The following LY9 variants were observed in gnomAD, a reference collection of about 807,000 sequenced individuals.
The protein encoded by LY9 is T-lymphocyte surface antigen Ly-9.
Under a neutral mutation model 64.6 loss-of-function variants are expected in LY9, and 59 were observed. The ratio of observed to expected loss-of-function variants is 0.91; its 90% CI spans 0.74 to 1.13. The LOEUF (loss-of-function observed/expected upper bound fraction) is 1.13. LY9 is among the 50% of genes most tolerant of loss of function. The pLI is 0.00. For missense variants in LY9, 789 were observed against 797.2 expected (o/e 0.99, Z 0.12); for synonymous variants, 281 against 308.5 (o/e 0.91, Z 0.93).
At chr1:160,819,171 G>A in intron 6 of LY9, 150 bp from the exon 7 acceptor site, 2 of 661,606 alleles carry the variant, frequency 3.0e-6, no homozygotes, top group Non-Finnish European at 2.8e-6. Flanking sequence ...CATAGGCCTG[G>A]CTTCTCATCA....
At chr1:160,796,606 T>C (rs1421070856) in intron 1 of LY9, among the ~76,000 whole-genome samples, 1 of 152,124 alleles carries the variant, frequency 6.6e-6, no homozygotes, top group Non-Finnish European at 1.5e-5. Flanking sequence ...TTGGCCACGG[T>C]GGTCTCGATC....
chr1:160,825,498 C>T (rs1167671707), intron 9 of LY9, among the ~76,000 whole-genome samples: 2 of 152,294 alleles, frequency 1.3e-5, no homozygotes, highest in African/African-American at 4.8e-5. Flanking sequence ...AAATAATTCA[C>T]CTTGATCTGG....
Position 160,813,788 on chromosome 1 carries a change from G to T in LY9, c.607G>T (p.Gly203Ter). Residue 203 changes from glycine (G) to a stop codon, truncating the protein, a stop_gained, in exon 3 of 10, where the codon GGA (glycine) becomes TGA (stop). Transcript: ENST00000263285. LOFTEE classifies it high-confidence loss of function. ...GGAACCCCATGCTTCTGAGTCCAAT[G>T]GAGGCTCCATTCTTACCGTCTCCCG... is the stretch of plus-strand genomic sequence containing the variant. Reference protein sequence around the residue: ...PREPHASESNGGSILTVSRTP... With the variant: ...PREPHASESN 1 of 1,614,158 alleles carries T rather than the reference G, an allele frequency of 6.2e-7. No individual in the cohort carries two copies. Among genetic ancestry groups the T allele is most frequent in the Non-Finnish European group, 8.5e-7 (1 of 1,180,030 alleles).
rs908944939 is a variant in LY9, at chr1:160,827,635, C to T, written c.1900-113C>T. 1.7e-5 allele frequency: 13 copies of T among 769,458 alleles called. No homozygotes were observed. In the African/African-American group the frequency reaches 1.9e-4, roughly 11 times the overall value. The allele number at this position is 769,458 out of a possible 1,614,324, so 47.7% of individuals were successfully genotyped here. On this transcript the variant is annotated intron_variant, in intron 9 of 9. Transcript: ENST00000263285. The stretch of plus-strand genomic sequence containing the variant: ...GCCATCCCTGGGCCAGCACATATGA[C>T]TCTACTTCTGTAGGATGGACCAGTC...
intron 1 of LY9, among the ~76,000 whole-genome samples, chr1:160,798,338 C>A (rs1666099174): frequency 6.6e-6 from 1 of 152,128 alleles, no homozygotes; most frequent in Admixed American, 6.5e-5. Flanking sequence ...ACTGATCAAC[C>A]CTGTAATCTC....
rs115261308 is a variant in LY9, at chr1:160,823,843, C to T, written c.1830+47C>T. 1.8e-3 allele frequency: 2,597 copies of T among 1,449,416 alleles called. 27 individuals carry two copies. The African/African-American group carries it at 0.024, about 13-fold the overall frequency. 89.8% of individuals were successfully genotyped at this position (1,449,416 alleles called of 1,614,324 possible). On this transcript the variant is annotated intron_variant, in intron 8 of 9. Coordinates refer to ENST00000263285, the MANE Select transcript of LY9 (RefSeq NM_002348.4). ...ACCTTCCTCCTCCTCCCATGTCTAG[C>T]GGCATCTGAGATCCTGGATGACTAG...
intron 3 of LY9, 93 bp downstream of exon 3, chr1:160,814,004 G>A (rs12738298): frequency 0.01 from 14,225 of 1,367,778 alleles, 118 homozygotes; most frequent in Non-Finnish European, 0.013. Context: ...AGACACACAG[G>A]GGGTGGGGAA....
At chr1:160,814,294 G>T in intron 3 of LY9, 126 bp from the exon 4 acceptor site, 2 of 731,012 alleles carry the variant, frequency 2.7e-6, no homozygotes, top group Non-Finnish European at 4.7e-6. Flanking sequence ...GCCCCTCAGA[G>T]GAGGAGGCCA....
At chr1:160,826,798 G>A (rs1404095414) in intron 9 of LY9, among the ~76,000 whole-genome samples, 1 of 152,196 alleles carries the variant, frequency 6.6e-6, no homozygotes, top group African/African-American at 2.4e-5. Context: ...TAGCCAGCTA[G>A]AGACTTTGCC....
intron 1 of LY9, 188 bp from the exon 2 acceptor site, chr1:160,799,565 G>A: frequency 1.8e-6 from 1 of 557,126 alleles, no homozygotes; most frequent in Non-Finnish European, 3.2e-6. Flanking sequence ...TTTTAAGGGA[G>A]ACAGTGTTTG....
chr1:160,816,507 T>G lies in LY9; in HGVS notation c.1073-87T>G, dbSNP rs1372263994. On this transcript the variant is annotated intron_variant, in intron 4 of 9. Transcript: ENST00000263285. Reference sequence around the variant, plus strand: ...TTGCCGGCAGTATCAACACTCAGCTTCATGAATATATTTTCAATGAATGAA... The same window carrying G: ...TTGCCGGCAGTATCAACACTCAGCTGCATGAATATATTTTCAATGAATGAA... The G allele has an allele frequency of 2.8e-6, 4 of 1,430,660 alleles. No individual in the cohort carries two copies. In the African/African-American group the frequency reaches 4.3e-5, roughly 15 times the overall value. 88.6% of individuals were successfully genotyped at this position (1,430,660 alleles called of 1,614,324 possible).
intron 8 of LY9, 106 bp downstream of exon 8, chr1:160,823,902 G>A: frequency 2.1e-6 from 2 of 941,264 alleles, no homozygotes; most frequent in East Asian, 4.9e-5. Context: ...CCTGGAAACA[G>A]GACTAGGGGC....
At chr1:160,814,789 C>A (rs370825546) in intron 4 of LY9, 28 bp downstream of exon 4, 1 of 1,573,024 alleles carries the variant, frequency 6.4e-7, no homozygotes, top group Non-Finnish European at 8.7e-7. Context: ...GCACCCATCA[C>A]CAGATTCCTT....
intron 2 of LY9, among the ~76,000 whole-genome samples, chr1:160,806,998 G>A (rs1301550622): frequency 6.6e-6 from 1 of 152,028 alleles, no homozygotes; most frequent in Non-Finnish European, 1.5e-5. Context: ...TCTTTCTTCA[G>A]CCTAATCTAG....
At chr1:160,818,349 A>G (rs1668118303) in intron 6 of LY9, 30 bp downstream of exon 6, 2 of 1,531,844 alleles carry the variant, frequency 1.3e-6, no homozygotes, top group African/African-American at 1.4e-5. Context: ...GTTGTCCGCC[A>G]GTGCTAGGCC....
chr1:160,824,180 G>A lies in LY9; in HGVS notation c.1831-1G>A. 1 of 1,614,164 alleles carries A rather than the reference G, an allele frequency of 6.2e-7. No homozygotes were observed. The highest frequency in any genetic ancestry group is 8.5e-7 in the Non-Finnish European group (1 of 1,180,022). ...GCTCATCTGCTGTTGGTGTGTTACA[G>A]GGAAAGACCCCAGTTTCTCAGAAGG... On this transcript the variant is annotated splice_acceptor_variant, in intron 8 of 9. Coordinates refer to ENST00000263285, the MANE Select transcript of LY9 (RefSeq NM_002348.4). LOFTEE classifies it high-confidence loss of function.
In LY9 at chr1:160,816,833, C is replaced by T; in HGVS notation, c.1312C>T (p.His438Tyr). ...CAGCAACCCTGTCAGCAGGAGTTCC[C>T]ACCAGTTTCTTTCTGAGAACATCTG... is the stretch of plus-strand genomic sequence containing the variant. ...TASNPVSRSS[H>Y]QFLSENICSG... Residue 438 changes from histidine to tyrosine, a missense_variant, in exon 5 of 10, where the codon CAC becomes TAC. Physicochemically the swap from His to Tyr is moderately conservative, Grantham distance 83. Coordinates refer to ENST00000263285, the MANE Select transcript of LY9 (RefSeq NM_002348.4). 1 of 1,614,230 alleles carries T rather than the reference C, an allele frequency of 6.2e-7. No individual in the cohort carries two copies. The highest frequency in any genetic ancestry group is 8.5e-7 in the Non-Finnish European group (1 of 1,180,046).
intron 1 of LY9, among the ~76,000 whole-genome samples, chr1:160,796,859 GTTCCC>G (rs574488167): frequency 2.4e-3 from 368 of 152,274 alleles, no homozygotes; most frequent in Middle Eastern, 3.4e-3. Context: ...TAATGAGTTT[GTTCCC>G]TGTATGGTGT....
intron 6 of LY9, among the ~76,000 whole-genome samples, 194 bp from the exon 7 acceptor site, chr1:160,819,127 C>T (rs1334895222): frequency 1.3e-5 from 2 of 152,192 alleles, no homozygotes; most frequent in Admixed American, 1.3e-4. Flanking sequence ...TCCACCTCTG[C>T]AGAAAGTAGC....
Sources: gnomAD v4.1 joint callset for allele counts (sites outside exome capture counted in the v4.1 genomes callset) on GRCh38, gnomAD v4.1.1 for gene constraint, MANE v1.5 for transcripts, NCBI Gene and HGNC (gene_info 2026-07-23, HGNC 2026-07-21) for gene names.